Variants in RFX7 observed in about 807,000 individuals in gnomAD.
RFX7 encodes DNA-binding protein RFX7.
In RFX7, 26 loss-of-function variants were observed where a neutral mutation model predicts 111.8. The ratio of observed to expected loss-of-function variants is 0.23; its 90% CI spans 0.17 to 0.32. RFX7 has a LOEUF of 0.32. RFX7 is among the 10% of genes least tolerant of loss of function. RFX7 has a pLI of 1.00. For synonymous variants in RFX7, 624 were observed against 624.4 expected, an observed-to-expected ratio of 1.00 and a Z score of 0.01; for missense variants, 1,573 against 1,772.9, an observed-to-expected ratio of 0.89 and a Z score of 2.02.
intron 2 of RFX7, among the ~76,000 whole-genome samples, chr15:56,225,399 G>A (rs780756589): frequency 3.3e-5 from 5 of 152,144 alleles, no homozygotes; most frequent in Non-Finnish European, 7.4e-5. Context: ...CCCTGTCTGA[G>A]CTACCTCTCC....
Position 56,243,178 on chromosome 15 carries a change from C to A in RFX7, c.108G>T (p.Gly36=). ...GCGCGCTGGCCTCTGTCCCTGGCAG[C>A]CCGGGCACAAGGGCTGGCAGGGCCA... ...SGVALPALVP[G]LPGTEASALQ... The change falls in exon 2 of 10, where the codon GGG becomes GGT. Residue 36 remains glycine (G), a synonymous_variant. Coordinates refer to ENST00000559447, the MANE Select transcript of RFX7 (RefSeq NM_022841.7). The A allele has an allele frequency of 7.4e-7, 1 of 1,355,612 alleles. No individual in the cohort carries two copies. The highest frequency in any genetic ancestry group is 9.8e-7 in the Non-Finnish European group (1 of 1,016,820). 84.0% of individuals were successfully genotyped at this position (1,355,612 alleles called of 1,614,324 possible).
chr15:56,148,796 T>A (rs542939957), intron 3 of RFX7, among the ~76,000 whole-genome samples: 2 of 152,246 alleles, frequency 1.3e-5, no homozygotes, highest in African/African-American at 4.8e-5. Context: ...AGAATCAATG[T>A]GTCGGCCGGG....
intron 2 of RFX7, among the ~76,000 whole-genome samples, chr15:56,198,124 T>C (rs1364899156): frequency 3.9e-5 from 6 of 152,126 alleles, no homozygotes; most frequent in African/African-American, 1.4e-4. Flanking sequence ...GGAAAAACTT[T>C]TTTAGATATA....
chr15:56,184,046 G>C (rs1417249227), intron 2 of RFX7, among the ~76,000 whole-genome samples: 4 of 150,184 alleles, frequency 2.7e-5, no homozygotes, highest in Non-Finnish European at 4.4e-5. Context: ...TTGAGACAGA[G>C]TTTTGCTTTT....
At chr15:56,221,650 A>AT (rs2043427943) in intron 2 of RFX7, among the ~76,000 whole-genome samples, 1 of 151,936 alleles carries the variant, frequency 6.6e-6, no homozygotes, top group Non-Finnish European at 1.5e-5. Flanking sequence ...TTCATCTGAT[A>AT]TTTTTTAGTA....
chr15:56,170,604 G>A (rs1224411140), intron 3 of RFX7, among the ~76,000 whole-genome samples: 1 of 152,114 alleles, frequency 6.6e-6, no homozygotes, highest in African/African-American at 2.4e-5. Flanking sequence ...AGCACTGTTC[G>A]AGATCTCTGT....
chr15:56,243,032 C>G (rs1334827705), intron 2 of RFX7, 93 bp downstream of exon 2: 1 of 762,990 alleles, frequency 1.3e-6, no homozygotes, highest in Non-Finnish European at 2.0e-6. Context: ...GCATCAGCCT[C>G]CTCCTCCGCT....
At chr15:56,180,505 A>G (rs919753238) in intron 2 of RFX7, among the ~76,000 whole-genome samples, 9 of 152,138 alleles carry the variant, frequency 5.9e-5, no homozygotes, top group South Asian at 2.1e-4. Flanking sequence ...TCTCTTCTCA[A>G]TAACTCCCAG....
chr15:56,238,039 A>T (rs1260617824), intron 2 of RFX7, among the ~76,000 whole-genome samples: 2 of 152,344 alleles, frequency 1.3e-5, no homozygotes, highest in East Asian at 3.9e-4. Context: ...TGAAAATCAT[A>T]GACTTTCAGT....
At chr15:56,223,648 G>GA (rs1413645353) in intron 2 of RFX7, among the ~76,000 whole-genome samples, 2 of 151,898 alleles carry the variant, frequency 1.3e-5, no homozygotes, top group Non-Finnish European at 2.9e-5. Context: ...CAAGAAAACT[G>GA]AAAAAATGAA....
rs114519766 is a variant in RFX7 at position 56,107,045 on chromosome 15, C to T, written c.402-3375G>A. On this transcript the variant is annotated intron_variant, in intron 5 of 9. Transcript: ENST00000559447. ...AATGAAATAATTTCACACCCGTAAT[C>T]CCATCACTTTGGGAGGCCGAGGCAG... Among the ~76,000 whole-genome samples, 721 of 152,178 alleles carry T rather than the reference C, an allele frequency of 4.7e-3. 5 individuals carry two copies. The highest frequency in any genetic ancestry group is 0.017 in the African/African-American group (689 of 41,510).
chr15:56,194,168 T>C (rs575291121), intron 2 of RFX7, among the ~76,000 whole-genome samples: 17 of 152,290 alleles, frequency 1.1e-4, no homozygotes, highest in African/African-American at 3.8e-4. Flanking sequence ...TAGGAGACTC[T>C]CACTTGTCCC....
Position 56,096,511 on chromosome 15 carries a change from T to C in RFX7, c.1217A>G (p.Lys406Arg). 6.2e-7 allele frequency: 1 copy of C among 1,604,022 alleles called. No individual in the cohort carries two copies. The highest frequency in any genetic ancestry group is 8.5e-7 in the Non-Finnish European group (1 of 1,175,120). Residue 406 changes from lysine to arginine, a missense_variant, in exon 10 of 10, where the codon AAA (lysine) becomes AGA (arginine). Physicochemically the swap from Lys to Arg is conservative, Grantham distance 26 (BLOSUM62 2). Transcript: ENST00000559447. ...QVVTQHMQSV[K>R]QAPKTPQNVP... ...GTTCTGGGGAGTCTTTGGTGCCTGT[T>C]TCACAGACTGCATGTGCTGAGTGAC...
intron 3 of RFX7, among the ~76,000 whole-genome samples, chr15:56,168,638 T>C (rs1463583379): frequency 6.6e-6 from 1 of 152,188 alleles, no homozygotes; most frequent in Non-Finnish European, 1.5e-5. Flanking sequence ...TTCCTCTGGT[T>C]TAGACTAGAA....
At chr15:56,239,277 ATTT>A (rs36095815) in intron 2 of RFX7, among the ~76,000 whole-genome samples, 1 of 149,332 alleles carries the variant, frequency 6.7e-6, no homozygotes, top group Non-Finnish European at 1.5e-5. Flanking sequence ...TTTTTATACA[ATTT>A]TTTTTTTAAC....
intron 3 of RFX7, among the ~76,000 whole-genome samples, chr15:56,174,761 A>C (rs1254698184): frequency 1.3e-5 from 2 of 152,220 alleles, no homozygotes; most frequent in Non-Finnish European, 2.9e-5. Context: ...AAATAAAAAA[A>C]TCAGCAAGTA....
At chr15:56,099,777 C>T (rs1185376371) in intron 8 of RFX7, among the ~76,000 whole-genome samples, 4 of 151,738 alleles carry the variant, frequency 2.6e-5, no homozygotes, top group African/African-American at 9.7e-5. Flanking sequence ...AAGTATTTAC[C>T]CTCTCAGGCT....
At chr15:56,152,703 A>G (rs79941117) in intron 3 of RFX7, among the ~76,000 whole-genome samples, 19,485 of 151,520 alleles carry the variant, frequency 0.13, 1,632 homozygotes, top group East Asian at 0.43. Context: ...AACTAAGATC[A>G]GAGCAGAACT....
chr15:56,097,941 G>A, intron 9 of RFX7, 140 bp downstream of exon 9: 1 of 665,534 alleles, frequency 1.5e-6, no homozygotes, highest in Non-Finnish European at 2.6e-6. Flanking sequence ...ATAAAAGACT[G>A]AAGGGGAATG....
Sources: allele counts gnomAD v4.1 joint callset (sites outside exome capture counted in the v4.1 genomes callset), GRCh38; gene constraint gnomAD v4.1.1; transcripts MANE v1.5; gene names NCBI Gene and HGNC (gene_info 2026-07-23, HGNC 2026-07-21).